The following FMNL2 variants were observed in gnomAD, a reference collection of about 807,000 sequenced individuals.
FMNL2 encodes formin like 2.
In FMNL2, 51 loss-of-function variants were observed where a neutral mutation model predicts 130.2. The observed-to-expected ratio is 0.39, with a 90% CI of 0.31 to 0.49. FMNL2 has a LOEUF of 0.49. FMNL2 is among the 20% of genes least tolerant of loss of function. The probability of loss-of-function intolerance (pLI) is 0.85; values close to 1 mark genes in which losing one functional copy is unlikely to be tolerated. For synonymous variants in FMNL2, 465 were observed against 467.1 expected (o/e 1.00, Z 0.06); for missense variants, 977 against 1,316.2 (o/e 0.74, Z 3.99).
intron 9 of FMNL2, among the ~76,000 whole-genome samples, chr2:152,601,213 C>G (rs551236154): frequency 6.6e-6 from 1 of 152,254 alleles, no homozygotes; most frequent in African/African-American, 2.4e-5. Flanking sequence ...GGAATTCCCC[C>G]TTACTCCCAA....
intron 1 of FMNL2, among the ~76,000 whole-genome samples, chr2:152,417,259 A>G (rs1328896792): frequency 6.6e-6 from 1 of 152,170 alleles, no homozygotes; most frequent in African/African-American, 2.4e-5. Context: ...AGGGCCAGTG[A>G]TTGAGAGGTG....
intron 1 of FMNL2, among the ~76,000 whole-genome samples, chr2:152,519,696 C>G (rs978108895): frequency 6.6e-6 from 1 of 152,188 alleles, no homozygotes; most frequent in African/African-American, 2.4e-5. Context: ...TCTCCCGGGT[C>G]TATTTCCCTA....
intron 1 of FMNL2, among the ~76,000 whole-genome samples, chr2:152,383,284 T>G (rs2105902772): frequency 6.6e-6 from 1 of 150,624 alleles, no homozygotes; most frequent in African/African-American, 2.4e-5. Flanking sequence ...TTTTTTTTTT[T>G]TTTTTTTTTT....
intron 25 of FMNL2, among the ~76,000 whole-genome samples, chr2:152,647,194 G>T (rs960914857): frequency 6.6e-6 from 1 of 152,078 alleles, no homozygotes; most frequent in Non-Finnish European, 1.5e-5. Flanking sequence ...AAAAAAAATA[G>T]GTGGCAGAAA....
At chr2:152,444,121 A>G (rs1688213926) in intron 1 of FMNL2, among the ~76,000 whole-genome samples, 1 of 152,166 alleles carries the variant, frequency 6.6e-6, no homozygotes, top group African/African-American at 2.4e-5. Flanking sequence ...CTATTTAAGC[A>G]GTAAGTTCCA....
intron 1 of FMNL2, among the ~76,000 whole-genome samples, chr2:152,336,219 C>T (rs1205778597): frequency 2.6e-5 from 4 of 152,140 alleles, no homozygotes; most frequent in Admixed American, 2.6e-4. Context: ...GGGCGCCGCG[C>T]CGGGCGGTGA....
At chr2:152,465,211 C>T (rs1024329759) in intron 1 of FMNL2, among the ~76,000 whole-genome samples, 1 of 152,214 alleles carries the variant, frequency 6.6e-6, no homozygotes, top group African/African-American at 2.4e-5. Flanking sequence ...TGGGACAGGG[C>T]ATTCGTGCAG....
intron 1 of FMNL2, among the ~76,000 whole-genome samples, chr2:152,362,914 T>C (rs1451781759): frequency 6.6e-6 from 1 of 152,170 alleles, no homozygotes; most frequent in Non-Finnish European, 1.5e-5. Flanking sequence ...AACTACGCTA[T>C]GTCAAAGAAG....
chr2:152,497,220 T>C (rs373833765), intron 1 of FMNL2, among the ~76,000 whole-genome samples: 20 of 152,330 alleles, frequency 1.3e-4, no homozygotes, highest in African/African-American at 4.8e-4. Flanking sequence ...TGTTTACTTA[T>C]TTGTGCAATT....
chr2:152,513,796 T>C (rs1692610102), intron 1 of FMNL2, among the ~76,000 whole-genome samples: 1 of 152,162 alleles, frequency 6.6e-6, no homozygotes, highest in Admixed American at 6.6e-5. Context: ...CTTTGTGAGC[T>C]TCACTGGCTA....
At chr2:152,535,836 A>G (rs899915647) in intron 2 of FMNL2, among the ~76,000 whole-genome samples, 1 of 152,206 alleles carries the variant, frequency 6.6e-6, no homozygotes, top group African/African-American at 2.4e-5. Flanking sequence ...CAGAGACTTA[A>G]TACTTTTTCA....
intron 9 of FMNL2, among the ~76,000 whole-genome samples, chr2:152,589,123 G>A (rs554635283): frequency 1.6e-4 from 24 of 147,114 alleles, no homozygotes; most frequent in Non-Finnish European, 1.5e-5. Flanking sequence ...AAAAAAAAGA[G>A]GAAGTACAGC....
chr2:152,566,837 A>G (rs1298060071), intron 6 of FMNL2, among the ~76,000 whole-genome samples: 2 of 152,176 alleles, frequency 1.3e-5, no homozygotes, highest in African/African-American at 4.8e-5. Context: ...GATTCACGAG[A>G]CTTGGTGTGG....
chr2:152,623,115 C>T (rs988063579), intron 15 of FMNL2, among the ~76,000 whole-genome samples: 7 of 152,174 alleles, frequency 4.6e-5, no homozygotes, highest in Admixed American at 4.6e-4. Context: ...CCTGACCTTG[C>T]TAAATAGTTA....
chr2:152,563,665 G>A (rs138365694), intron 6 of FMNL2, among the ~76,000 whole-genome samples: 225 of 151,752 alleles, frequency 1.5e-3, no homozygotes, highest in African/African-American at 5.1e-3. Context: ...TCCACACGCT[G>A]CCTTCACTTT....
chr2:152,608,359 TGAAAAAAAAAAA>T (rs1388076562), intron 10 of FMNL2, among the ~76,000 whole-genome samples: 17 of 47,628 alleles, frequency 3.6e-4, no homozygotes, highest in South Asian at 2.2e-3. Context: ...ACCCTTTTTG[TGAAAAAAAAAAA>T]GAAAAAAAAA....
At chr2:152,620,427 G>A (rs561596362) in intron 15 of FMNL2, among the ~76,000 whole-genome samples, 6 of 152,220 alleles carry the variant, frequency 3.9e-5, no homozygotes, top group African/African-American at 1.4e-4. Flanking sequence ...TGAAATCTAA[G>A]CTCTTTGTTT....
chr2:152,374,769 T>G (rs1284933159), intron 1 of FMNL2, among the ~76,000 whole-genome samples: 1 of 152,232 alleles, frequency 6.6e-6, no homozygotes. Context: ...GATCATCGTC[T>G]AATGGGCCTG....
rs115389073 is a variant in FMNL2, at chr2:152,383,886, C to T, written c.117+48166C>T. Among the ~76,000 whole-genome samples, 759 of 152,238 alleles carry T rather than the reference C, an allele frequency of 5.0e-3. 3 individuals are homozygous for T. Among genetic ancestry groups the T allele is most frequent in the African/African-American group, 0.018 (738 of 41,532 alleles). Reference sequence around the variant, plus strand: ...ATTTAGAGAATTTTGACATCATAAACTAGGAATTTGTAAAACTGTATGTGC... The same window carrying T: ...ATTTAGAGAATTTTGACATCATAAATTAGGAATTTGTAAAACTGTATGTGC... On this transcript the variant is annotated intron_variant, in intron 1 of 25. Coordinates refer to ENST00000288670, the MANE Select transcript of FMNL2 (RefSeq NM_052905.4).
Sources: allele counts gnomAD v4.1 joint callset (sites outside exome capture counted in the v4.1 genomes callset), GRCh38; gene constraint gnomAD v4.1.1; transcripts MANE v1.5; gene names NCBI Gene and HGNC (gene_info 2026-07-23, HGNC 2026-07-21).